The following LRP1B variants were observed in gnomAD, a reference collection of about 807,000 sequenced individuals.
The protein encoded by LRP1B is LDL receptor related protein 1B, also known as low-density lipoprotein receptor-related protein 1B.
LRP1B carries 217 observed loss-of-function variants against 556.6 expected under a neutral mutation model. The observed-to-expected ratio is 0.39, with a 90% CI of 0.35 to 0.44. The LOEUF is 0.44. LRP1B is among the 20% of genes least tolerant of loss of function. The probability of loss-of-function intolerance (pLI) is 1.00; values close to 1 mark genes in which losing one functional copy is unlikely to be tolerated. For missense variants in LRP1B, 5,053 were observed against 5,620.8 expected (o/e 0.90, Z 3.23); for synonymous variants, 2,047 against 1,865.8 (o/e 1.10, Z -2.50).
At chr2:140,981,866 A>T (rs1696779086) in intron 18 of LRP1B, among the ~76,000 whole-genome samples, 1 of 152,146 alleles carries the variant, frequency 6.6e-6, no homozygotes, top group South Asian at 2.1e-4. Context: ...ATTAATAATG[A>T]ACATTTGAGA....
intron 27 of LRP1B, among the ~76,000 whole-genome samples, chr2:140,864,747 T>G (rs749923136): frequency 3.3e-5 from 5 of 152,038 alleles, no homozygotes; most frequent in African/African-American, 7.2e-5. Flanking sequence ...GAATTATATA[T>G]TTTTAACTTA....
At chr2:140,572,694 C>T (rs1681368846) in intron 43 of LRP1B, among the ~76,000 whole-genome samples, 1 of 151,626 alleles carries the variant, frequency 6.6e-6, no homozygotes, top group African/African-American at 2.4e-5. Context: ...TATTACAGCA[C>T]TATTCACAAT....
rs1699141141 is a variant in LRP1B at position 141,886,982 on chromosome 2, G to GGGGT, written c.83-76582_83-76581insACCC. ...TCTTTTTCTTTTTTTTTTTTTTTGGGTTTTTTGTTTGTTTGTTTTGTTTGT... is the reference window on the plus strand; with the variant it reads ...TCTTTTTCTTTTTTTTTTTTTTTGGGGGGTTTTTTTGTTTGTTTGTTTTGTTTGT... On this transcript the variant is annotated intron_variant, in intron 1 of 90. Coordinates refer to ENST00000389484, the MANE Select transcript of LRP1B (RefSeq NM_018557.3). Among the ~76,000 whole-genome samples, 6 of 96,692 alleles carry GGGGT rather than the reference G, an allele frequency of 6.2e-5. No homozygotes were observed. The South Asian group carries it at 2.0e-3, about 32-fold the overall frequency. 63.4% of individuals were successfully genotyped at this position (96,692 alleles called of 152,430 possible).
chr2:140,893,077 T>C (rs767244993), intron 23 of LRP1B, among the ~76,000 whole-genome samples: 1 of 151,546 alleles, frequency 6.6e-6, no homozygotes, highest in African/African-American at 2.4e-5. Flanking sequence ...ATGAGGAAAA[T>C]AAAAAGCCTT....
At chr2:141,106,337 CTAAG>C (rs2104951976) in intron 7 of LRP1B, among the ~76,000 whole-genome samples, 1 of 152,152 alleles carries the variant, frequency 6.6e-6, no homozygotes, top group African/African-American at 2.4e-5. Context: ...AAACACTGAG[CTAAG>C]TAAGGAAAAC....
intron 1 of LRP1B, among the ~76,000 whole-genome samples, chr2:142,009,469 C>T (rs1702890062): frequency 6.6e-6 from 1 of 152,190 alleles, no homozygotes. Flanking sequence ...TCCTGACACA[C>T]TGACATACAG....
At chr2:140,457,217 A>G (rs1687140673) in intron 61 of LRP1B, among the ~76,000 whole-genome samples, 1 of 152,142 alleles carries the variant, frequency 6.6e-6, no homozygotes, top group African/African-American at 2.4e-5. Context: ...TAAATGCATT[A>G]TTATCATTTT....
chr2:140,366,311 A>G (rs7563544), intron 71 of LRP1B, among the ~76,000 whole-genome samples: 50,953 of 151,450 alleles, frequency 0.34, 9,448 homozygotes, highest in Non-Finnish European at 0.43. Context: ...TAAACATCGT[A>G]CTCATTTTTT....
At chr2:140,522,121 G>A (rs1335659324) in intron 49 of LRP1B, among the ~76,000 whole-genome samples, 2 of 151,966 alleles carry the variant, frequency 1.3e-5, no homozygotes, top group South Asian at 2.1e-4. Flanking sequence ...CCAGACTACC[G>A]TAGCATATAC....
intron 62 of LRP1B, among the ~76,000 whole-genome samples, chr2:140,451,414 C>T (rs2105315278): frequency 6.6e-6 from 1 of 152,310 alleles, no homozygotes; most frequent in Non-Finnish European, 1.5e-5. Context: ...TCCAGTTGAA[C>T]TAATTTAGGT....
chr2:141,123,513 A>C (rs1038249464), intron 7 of LRP1B, among the ~76,000 whole-genome samples: 8 of 152,100 alleles, frequency 5.3e-5, no homozygotes, highest in African/African-American at 1.9e-4. Context: ...GAAAACTGAT[A>C]TTCTACACAA....
intron 20 of LRP1B, among the ~76,000 whole-genome samples, chr2:140,929,375 G>A (rs746238874): frequency 6.6e-5 from 10 of 152,022 alleles, no homozygotes; most frequent in African/African-American, 9.7e-5. Context: ...TCAGAATTAA[G>A]AGTCAGGCAG....
intron 72 of LRP1B, among the ~76,000 whole-genome samples, chr2:140,363,322 A>G (rs1682606241): frequency 6.6e-6 from 1 of 151,582 alleles, no homozygotes; most frequent in African/African-American, 2.4e-5. Context: ...AAGGTTTCCC[A>G]TCTGTGCTGT....
intron 7 of LRP1B, among the ~76,000 whole-genome samples, chr2:141,078,858 T>C (rs1470902707): frequency 6.6e-6 from 1 of 152,128 alleles, no homozygotes; most frequent in Non-Finnish European, 1.5e-5. Flanking sequence ...GAAAATAAAC[T>C]CTGAGTTAAT....
chr2:141,831,268 TTAAAA>T (rs1456060096), intron 1 of LRP1B, among the ~76,000 whole-genome samples: 1 of 151,788 alleles, frequency 6.6e-6, no homozygotes, highest in Admixed American at 6.6e-5. Flanking sequence ...AAATTTAACT[TTAAAA>T]TAAGATGACA....
intron 1 of LRP1B, among the ~76,000 whole-genome samples, chr2:141,964,681 G>A (rs1011545259): frequency 2.6e-3 from 386 of 149,830 alleles, no homozygotes; most frequent in Non-Finnish European, 4.0e-3. Flanking sequence ...GGACATAGGC[G>A]TGGGCAAGGA....
chr2:142,048,201 T>C (rs957068077), intron 1 of LRP1B, among the ~76,000 whole-genome samples: 1 of 152,078 alleles, frequency 6.6e-6, no homozygotes, highest in Admixed American at 6.6e-5. Context: ...TTTTTCTGCC[T>C]TGTTGAGGAA....
At chr2:142,002,902 G>C (rs1390158832) in intron 1 of LRP1B, among the ~76,000 whole-genome samples, 1 of 152,186 alleles carries the variant, frequency 6.6e-6, no homozygotes, top group South Asian at 2.1e-4. Context: ...GACACTTAGA[G>C]AAATGATCAT....
chr2:140,801,840 T>G (rs182854240), intron 32 of LRP1B, among the ~76,000 whole-genome samples: 1 of 151,890 alleles, frequency 6.6e-6, no homozygotes, highest in South Asian at 2.1e-4. Context: ...AGATTGGAGA[T>G]AGAGAGAATG....
Sources: gnomAD v4.1 joint callset for allele counts (sites outside exome capture counted in the v4.1 genomes callset) on GRCh38, gnomAD v4.1.1 for gene constraint, MANE v1.5 for transcripts, NCBI Gene and HGNC (gene_info 2026-07-23, HGNC 2026-07-21) for gene names.